OPCML: variants seen among roughly 807,000 people sequenced by gnomAD.
OPCML encodes the protein opioid-binding protein/cell adhesion molecule.
In OPCML, 13 loss-of-function variants were observed where a neutral mutation model predicts 37.8. The ratio of observed to expected loss-of-function variants is 0.34; its 90% CI spans 0.22 to 0.55. OPCML has a LOEUF of 0.55. Ranked by LOEUF, OPCML falls within the 20% of genes least tolerant of loss-of-function variation. The pLI, the probability that OPCML is intolerant of heterozygous loss-of-function variation, is 0.91. For synonymous variants in OPCML, 176 were observed against 168.8 expected, an observed-to-expected ratio of 1.04 and a Z score of -0.33; for missense variants, 341 against 435.6, an observed-to-expected ratio of 0.78 and a Z score of 1.93.
intron 1 of OPCML, among the ~76,000 whole-genome samples, chr11:133,398,404 A>C (rs918708749): frequency 2.3e-4 from 35 of 152,314 alleles, no homozygotes; most frequent in Middle Eastern, 6.8e-3. Flanking sequence ...CCTCCCAGGC[A>C]GTCAGGATAT....
chr11:132,849,819 G>A (rs931710082), intron 2 of OPCML, among the ~76,000 whole-genome samples: 5 of 152,160 alleles, frequency 3.3e-5, no homozygotes, highest in East Asian at 1.9e-4. Context: ...GTAAACCGGG[G>A]CAAATGAGGC....
Position 133,112,183 on chromosome 11 carries a change from G to T in OPCML, c.62-169173C>A, listed in dbSNP as rs111448204. Among the ~76,000 whole-genome samples, 297 of 148,482 alleles carry T rather than the reference G, an allele frequency of 2.0e-3. 5 individuals are homozygous for T. The highest frequency in any genetic ancestry group is 2.6e-3 in the Non-Finnish European group (176 of 67,578). ...TTCCCTATATTAATCTTGGGAGTAT[G>T]GTTCCATCCAAGGATTTTTTTCGTT... On this transcript the variant is annotated intron_variant, in intron 1 of 7. Coordinates refer to ENST00000524381, the MANE Select transcript of OPCML (RefSeq NM_001012393.5).
rs150451752 is a variant in OPCML at position 133,384,448 on chromosome 11, G to A, written c.61+147816C>T. On this transcript the variant is annotated intron_variant, in intron 1 of 7. Coordinates refer to ENST00000524381, the MANE Select transcript of OPCML (RefSeq NM_001012393.5). ...GATAGTATTAACATCTCATTCAACC[G>A]TTGACAAGAAAGACCCTAATAAAAA... is the stretch of plus-strand genomic sequence containing the variant. 6.7e-4 allele frequency among the ~76,000 whole-genome samples: 102 copies of A among 152,164 alleles called. 2 individuals are homozygous for A. In the East Asian group the frequency reaches 0.019, roughly 28 times the overall value.
intron 3 of OPCML, among the ~76,000 whole-genome samples, chr11:132,599,970 A>G (rs2437825): frequency 0.15 from 22,661 of 152,174 alleles, 2,244 homozygotes; most frequent in East Asian, 0.45. Flanking sequence ...CCTTCAAATG[A>G]AATGTTATAG....
intron 2 of OPCML, among the ~76,000 whole-genome samples, chr11:132,804,231 T>G (rs981109672): frequency 6.6e-6 from 1 of 152,132 alleles, no homozygotes; most frequent in Admixed American, 6.5e-5. Flanking sequence ...TTCGCCGGGT[T>G]TCTACCTGGA....
intron 2 of OPCML, among the ~76,000 whole-genome samples, chr11:132,818,766 A>G (rs986370634): frequency 2.0e-5 from 3 of 149,174 alleles, no homozygotes; most frequent in Non-Finnish European, 3.0e-5. Flanking sequence ...TGCCAAATCC[A>G]ATATAAGAAC....
chr11:132,447,774 C>T (rs1285163247), intron 4 of OPCML, among the ~76,000 whole-genome samples: 1 of 152,236 alleles, frequency 6.6e-6, no homozygotes, highest in Non-Finnish European at 1.5e-5. Context: ...AGGCCCAACA[C>T]TCAACCTTCT....
chr11:133,095,277 G>GTT (rs60154725), intron 1 of OPCML, among the ~76,000 whole-genome samples: 1,391 of 44,240 alleles, frequency 0.031, 311 homozygotes, highest in East Asian at 0.12. Flanking sequence ...TAATGTAAAT[G>GTT]TTTTTTTTTT....
intron 1 of OPCML, among the ~76,000 whole-genome samples, chr11:133,501,213 C>T (rs1275232652): frequency 6.6e-6 from 1 of 152,168 alleles, no homozygotes; most frequent in Non-Finnish European, 1.5e-5. Context: ...AGCTTCTATA[C>T]GCTGTCCACA....
In OPCML at chr11:132,708,203, G is replaced by A. The variant is rs190283280; in HGVS notation, c.147-50884C>T. On this transcript the variant is annotated intron_variant, in intron 2 of 7. Coordinates refer to ENST00000524381, the MANE Select transcript of OPCML (RefSeq NM_001012393.5). Reference sequence around the variant, plus strand: ...AAATGATTCCTATGCTGAATGGATAGACTGTAAAACTCTAGGTCTTTCTAT... The same window carrying A: ...AAATGATTCCTATGCTGAATGGATAAACTGTAAAACTCTAGGTCTTTCTAT... 4.6e-5 allele frequency among the ~76,000 whole-genome samples: 7 copies of A among 152,300 alleles called. No homozygotes were observed. In the East Asian group the frequency reaches 1.2e-3, roughly 25 times the overall value.
At chr11:133,304,169 A>T (rs761451344) in intron 1 of OPCML, among the ~76,000 whole-genome samples, 1 of 152,244 alleles carries the variant, frequency 6.6e-6, no homozygotes, top group Non-Finnish European at 1.5e-5. Context: ...GTCTACTGCC[A>T]ACAGCTCTAG....
At chr11:132,961,473 T>G (rs1045951358) in intron 1 of OPCML, among the ~76,000 whole-genome samples, 1 of 152,130 alleles carries the variant, frequency 6.6e-6, no homozygotes, top group African/African-American at 2.4e-5. Context: ...ACATTTAAGG[T>G]GGAAGAGTCA....
Position 133,159,273 on chromosome 11 carries a change from C to A in OPCML, c.62-216263G>T, listed in dbSNP as rs1165013719. Among the ~76,000 whole-genome samples, 3 of 152,302 alleles carry A rather than the reference C, an allele frequency of 2.0e-5. No individual in the cohort carries two copies. The East Asian group carries it at 5.8e-4, about 29-fold the overall frequency. On this transcript the variant is annotated intron_variant, in intron 1 of 7. Transcript: ENST00000524381. ...ATGAGGGCTCTGCCCTGGGTTCTGG[C>A]TCCTGTGGAAAGGGAGAGGTCAGAG...
chr11:133,166,038 T>A (rs1363129200), intron 1 of OPCML, among the ~76,000 whole-genome samples: 1 of 152,208 alleles, frequency 6.6e-6, no homozygotes, highest in East Asian at 1.9e-4. Context: ...ACAAACTCCA[T>A]ATTCACCCAT....
intron 1 of OPCML, among the ~76,000 whole-genome samples, chr11:133,023,358 A>G (rs1285343250): frequency 6.6e-6 from 1 of 152,238 alleles, no homozygotes; most frequent in African/African-American, 2.4e-5. Context: ...GGATTTCTCC[A>G]TACAGCATCA....
intron 2 of OPCML, among the ~76,000 whole-genome samples, chr11:132,678,343 T>C (rs905388134): frequency 6.6e-5 from 10 of 152,214 alleles, no homozygotes; most frequent in African/African-American, 2.2e-4. Flanking sequence ...GACAGTTTTG[T>C]ACAAAATTAA....
intron 1 of OPCML, chr11:133,026,372 G>C: frequency 1.0e-6 from 1 of 984,256 alleles, no homozygotes; most frequent in Non-Finnish European, 1.2e-6. Flanking sequence ...GAAGGGTGGT[G>C]GTCTGATTGA....
chr11:133,413,851 T>C (rs1945703240), intron 1 of OPCML, among the ~76,000 whole-genome samples: 1 of 152,184 alleles, frequency 6.6e-6, no homozygotes, highest in Admixed American at 6.5e-5. Context: ...CCAGTCCAAT[T>C]GGCTGCCAGA....
intron 1 of OPCML, among the ~76,000 whole-genome samples, chr11:133,289,147 G>C (rs1458832170): frequency 6.6e-6 from 1 of 152,136 alleles, no homozygotes; most frequent in African/African-American, 2.4e-5. Flanking sequence ...TGAGAGTATT[G>C]CAAATAATGG....
Sources: gnomAD v4.1 joint callset for allele counts (sites outside exome capture counted in the v4.1 genomes callset) on GRCh38, gnomAD v4.1.1 for gene constraint, MANE v1.5 for transcripts, NCBI Gene and HGNC (gene_info 2026-07-23, HGNC 2026-07-21) for gene names.